LCOR: variants seen among roughly 807,000 people sequenced by gnomAD.
LCOR encodes the protein ligand-dependent corepressor.
Under a neutral mutation model 64.4 loss-of-function variants are expected in LCOR, and 14 were observed. The observed-to-expected ratio is 0.22, with a 90% CI of 0.14 to 0.34. LCOR has a LOEUF of 0.34. LCOR is among the 10% of genes least tolerant of loss of function. LCOR has a pLI of 1.00. For synonymous variants in LCOR, 643 were observed against 642.5 expected (o/e 1.00, Z -0.01); for missense variants, 1,686 against 1,765.3 (o/e 0.96, Z 0.80).
rs1845487962 is a variant in LCOR at position 96,838,683 on chromosome 10, C to CACTG, written c.-330+5205_-330+5208dup. On this transcript the variant is annotated intron_variant, in intron 2 of 7. Coordinates refer to ENST00000421806, the MANE Select transcript of LCOR (RefSeq NM_001346516.2). ...CTTTGTTTCTTTTATGGCTAAATAACACTGCATTGTGTGGACATACCACAT... is the reference window on the plus strand; with the variant it reads ...CTTTGTTTCTTTTATGGCTAAATAACACTGACTGCATTGTGTGGACATACCACAT... 2.6e-5 allele frequency among the ~76,000 whole-genome samples: 4 copies of CACTG among 152,300 alleles called. No homozygotes were observed. In the South Asian group the frequency reaches 8.3e-4, roughly 32 times the overall value.
At chr10:96,972,844 A>T (rs1310714566) in intron 7 of LCOR, among the ~76,000 whole-genome samples, 1 of 152,112 alleles carries the variant, frequency 6.6e-6, no homozygotes, top group Non-Finnish European at 1.5e-5. Context: ...TTGAACCTTT[A>T]TTCTGCTCTT....
intron 2 of LCOR, among the ~76,000 whole-genome samples, chr10:96,837,147 C>T (rs1003646290): frequency 4.3e-4 from 66 of 152,262 alleles, no homozygotes; most frequent in African/African-American, 1.5e-3. Context: ...CCCGCCACCA[C>T]GCTCGGCTAA....
intron 4 of LCOR, among the ~76,000 whole-genome samples, chr10:96,911,093 CTTTT>C (rs71007308): frequency 4.4e-5 from 5 of 114,172 alleles, no homozygotes; most frequent in African/African-American, 1.1e-4. Context: ...TACATGTTCC[CTTTT>C]TTTTTTTTTT....
At chr10:96,862,205 T>C (rs180948518) in intron 2 of LCOR, among the ~76,000 whole-genome samples, 64 of 152,328 alleles carry the variant, frequency 4.2e-4, no homozygotes, top group African/African-American at 1.5e-3. Context: ...GTTCAGGTAT[T>C]TGGAAGCTCT....
intron 4 of LCOR, among the ~76,000 whole-genome samples, chr10:96,913,124 C>T (rs1364520018): frequency 6.6e-6 from 1 of 151,812 alleles, no homozygotes; most frequent in Non-Finnish European, 1.5e-5. Flanking sequence ...TTCCCTGTCC[C>T]GGCCCTGGAT....
Position 96,982,402 on chromosome 10 carries a change from G to T in LCOR, c.1942G>T (p.Glu648Ter). 6.2e-7 allele frequency: 1 copy of T among 1,614,210 alleles called. No homozygotes were observed. Among genetic ancestry groups the T allele is most frequent in the South Asian group, 1.1e-5 (1 of 91,078 alleles). Reference protein sequence around the residue: ...APTASGMSSPEHNQPPVALLD... With the variant: ...APTASGMSSP ...CACAGCAAGTGGGATGTCTTCTCCT[G>T]AACACAACCAACCACCAGTTGCACT... Residue 648 changes from glutamate to a stop codon, truncating the protein, a stop_gained, in exon 8 of 8, where the codon GAA becomes TAA. Coordinates refer to ENST00000421806, the MANE Select transcript of LCOR (RefSeq NM_001346516.2). LOFTEE classifies it low-confidence loss of function (END_TRUNC).
At chr10:96,980,694 T>G (rs1848076216) in intron 7 of LCOR, 99 bp from the exon 8 acceptor site, 13 of 593,366 alleles carry the variant, frequency 2.2e-5, no homozygotes, top group Non-Finnish European at 3.6e-5. Flanking sequence ...AAAAAATAAA[T>G]AAATAATAAA....
chr10:96,919,508 C>T lies in LCOR; in HGVS notation c.-184+11761C>T, dbSNP rs1008150870. ...TGTATCTTTTTATTTTTTTAAATTA[C>T]GGTAAAATATACATAACATTTACTA... On this transcript the variant is annotated intron_variant, in intron 4 of 7. Coordinates refer to ENST00000421806, the MANE Select transcript of LCOR (RefSeq NM_001346516.2). Among the ~76,000 whole-genome samples, 18 of 151,764 alleles carry T rather than the reference C, an allele frequency of 1.2e-4. 1 individual carries two copies. Among genetic ancestry groups the T allele is most frequent in the Admixed American group, 9.2e-4 (14 of 15,232 alleles).
At chr10:96,944,906 T>C (rs1245203068) in intron 5 of LCOR, among the ~76,000 whole-genome samples, 1 of 152,168 alleles carries the variant, frequency 6.6e-6, no homozygotes, top group Non-Finnish European at 1.5e-5. Context: ...TTATCAATCC[T>C]TCATAGAGGC....
chr10:96,995,125 G>T lies in LCOR; in HGVS notation c.*9991G>T, dbSNP rs1848231941. On this transcript the variant is annotated 3_prime_UTR_variant, in exon 8 of 8. Transcript: ENST00000421806. The surrounding 1 kb of genome is among the most constrained non-coding windows in gnomAD (Gnocchi z 4.2). ...GAATGAGTTTAGGGCAGGGGCTGCT[G>T]ATCCGGCTGTGGATTCAGGGAGCTC... 1 of 152,242 alleles carries T rather than the reference G, an allele frequency of 6.6e-6. No homozygotes were observed. Among genetic ancestry groups the T allele is most frequent in the African/African-American group, 2.4e-5 (1 of 41,460 alleles). The allele number at this position is 152,242 out of a possible 1,614,324, so 9.4% of individuals were successfully genotyped here. A position where few individuals can be genotyped will look rare whatever the true frequency, so the allele number is the denominator to read the frequency against.
intron 4 of LCOR, among the ~76,000 whole-genome samples, chr10:96,925,142 C>G (rs1022922463): frequency 1.4e-4 from 22 of 151,932 alleles, no homozygotes; most frequent in African/African-American, 5.3e-4. Flanking sequence ...GTGGTGCAAT[C>G]TGGGCTCACA....
At chr10:96,922,409 T>C (rs1009379682) in intron 4 of LCOR, among the ~76,000 whole-genome samples, 1 of 152,184 alleles carries the variant, frequency 6.6e-6, no homozygotes, top group Non-Finnish European at 1.5e-5. Flanking sequence ...TTAATGACTA[T>C]TGCTGTCAGA....
chr10:96,852,171 C>G (rs1032701573), intron 2 of LCOR, among the ~76,000 whole-genome samples: 1 of 152,186 alleles, frequency 6.6e-6, no homozygotes, highest in African/African-American at 2.4e-5. Context: ...AATCCCAGCA[C>G]TTTGGGAGGC....
At chr10:96,863,186 G>A (rs1845917054) in intron 2 of LCOR, among the ~76,000 whole-genome samples, 1 of 144,428 alleles carries the variant, frequency 6.9e-6, no homozygotes, top group African/African-American at 2.6e-5. Flanking sequence ...CCCAGCCGAA[G>A]TAATATGTTT....
chr10:96,951,159 C>G (rs1162868748), intron 6 of LCOR, among the ~76,000 whole-genome samples: 3 of 152,090 alleles, frequency 2.0e-5, no homozygotes, highest in Admixed American at 6.6e-5. Context: ...TGTGTATTAT[C>G]TTGTTCTGTT....
chr10:96,872,808 CA>C (rs1365166542), intron 2 of LCOR, among the ~76,000 whole-genome samples: 9 of 152,094 alleles, frequency 5.9e-5, no homozygotes, highest in African/African-American at 1.9e-4. Context: ...TTCAGAATCA[CA>C]ATAGAGGAAG....
At chr10:96,859,279 G>A (rs979818864) in intron 2 of LCOR, among the ~76,000 whole-genome samples, 8 of 152,100 alleles carry the variant, frequency 5.3e-5, no homozygotes, top group East Asian at 1.9e-4. Flanking sequence ...GCACAATCTC[G>A]GCTCACTGCA....
At chr10:96,956,723 A>T (rs750901276) in intron 7 of LCOR, 1 of 984,414 alleles carries the variant, frequency 1.0e-6, no homozygotes, top group Non-Finnish European at 1.2e-6. Context: ...GCCTTATCTC[A>T]TGGAGGACGA....
Position 96,952,157 on chromosome 10 carries a change from T to G in LCOR, c.293T>G (p.Leu98Arg). 1 of 1,614,094 alleles carries G rather than the reference T, an allele frequency of 6.2e-7. No homozygotes were observed. The highest frequency in any genetic ancestry group is 8.5e-7 in the Non-Finnish European group (1 of 1,179,934). Residue 98 changes from leucine to arginine, a missense_variant, in exon 7 of 8, where the codon CTG (leucine) becomes CGG (arginine). Leu to Arg is a moderately radical substitution (Grantham distance 102). Coordinates refer to ENST00000421806, the MANE Select transcript of LCOR (RefSeq NM_001346516.2). Reference protein sequence around the residue: ...KKSPCAGSTSLSHSPGCSSTQ... With the variant: ...KKSPCAGSTSRSHSPGCSSTQ... ...AGTCCATGTGCTGGCAGCACTTCCC[T>G]GAGCCACTCTCCAGGCTGCTCCAGT...
Sources: allele counts gnomAD v4.1 joint callset (sites outside exome capture counted in the v4.1 genomes callset), GRCh38; gene constraint gnomAD v4.1.1; non-coding constraint Gnocchi (gnomAD v3.1); transcripts MANE v1.5; gene names NCBI Gene and HGNC (gene_info 2026-07-23, HGNC 2026-07-21).